The following PLOD2 variants were observed in gnomAD, a reference collection of about 807,000 sequenced individuals.
PLOD2 encodes the protein lysine hydroxylase 2.
A neutral mutation model predicts 101.0 loss-of-function variants in PLOD2; 65 were observed. That is an observed-to-expected ratio of 0.64 (90% CI 0.53 to 0.79). The LOEUF (loss-of-function observed/expected upper bound fraction) is 0.79, where lower values mean the gene tolerates loss of function less well. PLOD2 is among the 30% of genes least tolerant of loss of function. PLOD2 has a pLI of 0.00. For synonymous variants in PLOD2, 314 were observed against 302.9 expected (o/e 1.04, Z -0.38); for missense variants, 909 against 914.6 (o/e 0.99, Z 0.08).
chr3:146,075,487 T>TAAAAAAA (rs35706246), intron 15 of PLOD2, among the ~76,000 whole-genome samples: 185 of 93,266 alleles, frequency 2.0e-3, no homozygotes, highest in East Asian at 3.8e-3. Context: ...CTCAAATCTG[T>TAAAAAAA]AAAAAAAAAA....
Position 146,072,564 on chromosome 3 carries a change from A to G in PLOD2, c.1845T>C (p.His615=). The G allele has an allele frequency of 6.3e-7, 1 of 1,586,398 alleles. No individual in the cohort carries two copies. Among genetic ancestry groups the G allele is most frequent in the Non-Finnish European group, 8.7e-7 (1 of 1,155,578 alleles). The part of the protein sequence containing the change: ...EHYGKWSGGK[H]HDSRISGGYE... ...TTAGTGTGAAATTACAACTTACATGATGTTTTCCCCCAGACCATTTGCCGT... is the reference window on the plus strand; with the variant it reads ...TTAGTGTGAAATTACAACTTACATGGTGTTTTCCCCCAGACCATTTGCCGT... The change falls in exon 17 of 20, where the codon CAT becomes CAC. Residue 615 remains histidine (H), a synonymous_variant. Transcript: ENST00000282903.
chr3:146,081,494 A>G (rs1446531622), intron 12 of PLOD2, among the ~76,000 whole-genome samples: 2 of 152,122 alleles, frequency 1.3e-5, no homozygotes, highest in Non-Finnish European at 2.9e-5. Flanking sequence ...GTAAACATAT[A>G]TTATCTCTTA....
At chr3:146,105,883 A>AT (rs1937527943) in intron 5 of PLOD2, among the ~76,000 whole-genome samples, 1 of 152,128 alleles carries the variant, frequency 6.6e-6, no homozygotes, top group Non-Finnish European at 1.5e-5. Context: ...AATACACTGC[A>AT]TTTTTTTAAA....
chr3:146,096,716 G>C (rs1226263752), intron 7 of PLOD2, among the ~76,000 whole-genome samples: 22 of 148,078 alleles, frequency 1.5e-4, no homozygotes, highest in Middle Eastern at 3.5e-3. Flanking sequence ...AGTGAGGAGC[G>C]TCTCCGCCCG....
chr3:146,116,011 T>C (rs932883615), intron 3 of PLOD2, among the ~76,000 whole-genome samples: 9 of 152,258 alleles, frequency 5.9e-5, no homozygotes, highest in African/African-American at 1.7e-4. Context: ...GCAACAGAAG[T>C]GTTCCCTAAC....
intron 3 of PLOD2, among the ~76,000 whole-genome samples, chr3:146,117,079 T>C (rs1418144244): frequency 6.6e-6 from 1 of 152,176 alleles, no homozygotes; most frequent in Non-Finnish European, 1.5e-5. Flanking sequence ...GTAAATTTAA[T>C]TAAATTCATT....
chr3:146,101,819 T>A (rs1937398515), intron 7 of PLOD2, among the ~76,000 whole-genome samples: 3 of 152,158 alleles, frequency 2.0e-5, no homozygotes, highest in Admixed American at 1.3e-4. Flanking sequence ...GGAAACTGAT[T>A]ATAAGATAGA....
chr3:146,090,988 G>T (rs1272215580), intron 8 of PLOD2, among the ~76,000 whole-genome samples: 1 of 151,648 alleles, frequency 6.6e-6, no homozygotes, highest in East Asian at 1.9e-4. Context: ...GCAATTTTTT[G>T]GAATAAAAAT....
chr3:146,117,219 A>G (rs1937952939), intron 3 of PLOD2, among the ~76,000 whole-genome samples: 1 of 152,198 alleles, frequency 6.6e-6, no homozygotes, highest in Non-Finnish European at 1.5e-5. Flanking sequence ...ATAGTGACCT[A>G]TGCTTCCATA....
intron 15 of PLOD2, among the ~76,000 whole-genome samples, chr3:146,074,035 GGGC>G (rs1251187279): frequency 8.7e-4 from 131 of 151,424 alleles, no homozygotes; most frequent in African/African-American, 3.0e-3. Flanking sequence ...TTAAGGGTTA[GGGC>G]TCTATATTAA....
At chr3:146,070,900 T>A (rs1317347750) in intron 19 of PLOD2, 28 bp from the exon 20 acceptor site, 1 of 1,578,812 alleles carries the variant, frequency 6.3e-7, no homozygotes, top group Admixed American at 1.7e-5. Context: ...AAGAAATACA[T>A]CAGATTATAT....
At chr3:146,138,798 TAACAA>T (rs2031373972) in intron 1 of PLOD2, among the ~76,000 whole-genome samples, 1 of 152,144 alleles carries the variant, frequency 6.6e-6, no homozygotes, top group Non-Finnish European at 1.5e-5. Flanking sequence ...ATAACAGTAA[TAACAA>T]TACAATAATA....
In PLOD2 at chr3:146,071,157, A is replaced by G. The variant is rs573921791; in HGVS notation, c.2006T>C (p.Leu669Pro). The change falls in exon 19 of 20, where the codon CTA becomes CCA. Residue 669 changes from leucine to proline, a missense_variant. Coordinates refer to ENST00000282903, the MANE Select transcript of PLOD2 (RefSeq NM_182943.3). Reference sequence around the variant, plus strand: ...GGAGTATTTTACTACAAAATTCAGTAGTGCAAATCCCTGAAAAAGCAAAGT... The same window carrying G: ...GGAGTATTTTACTACAAAATTCAGTGGTGCAAATCCCTGAAAAAGCAAAGT... ...FAGYYTKGFA[L>P]LNFVVKYSPE... 2 of 1,611,264 alleles carry G rather than the reference A, an allele frequency of 1.2e-6. No individual in the cohort carries two copies. Among genetic ancestry groups the G allele is most frequent in the African/African-American group, 1.3e-5 (1 of 74,876 alleles).
Position 146,161,009 on chromosome 3 carries a change from C to G in PLOD2, c.-20G>C. On this transcript the variant is annotated 5_prime_UTR_variant, in exon 1 of 20. Coordinates refer to ENST00000282903, the MANE Select transcript of PLOD2 (RefSeq NM_182943.3). Reference sequence around the variant, plus strand: ...CCCCATATTCGGCCCTCGAGGGCCGCGCGGGCTCAGGCGCCCACGGCCCCG... The same window carrying G: ...CCCCATATTCGGCCCTCGAGGGCCGGGCGGGCTCAGGCGCCCACGGCCCCG... 1 of 1,507,692 alleles carries G rather than the reference C, an allele frequency of 6.6e-7. No individual in the cohort carries two copies. The highest frequency in any genetic ancestry group is 9.0e-7 in the Non-Finnish European group (1 of 1,105,740). The allele number at this position is 1,507,692 out of a possible 1,614,324, so 93.4% of individuals were successfully genotyped here.
Position 146,085,190 on chromosome 3 carries a change from T to G in PLOD2, c.1211A>C (p.Lys404Thr). The G allele has an allele frequency of 1.3e-6, 2 of 1,566,438 alleles. No individual in the cohort carries two copies. Among genetic ancestry groups the G allele is most frequent in the Non-Finnish European group, 1.8e-6 (2 of 1,137,800 alleles). Residue 404 changes from lysine to threonine, a missense_variant, in exon 11 of 20, where the codon AAA (lysine) becomes ACA (threonine). By Grantham distance (78) the Lys-to-Thr change is moderately conservative. Coordinates refer to ENST00000282903, the MANE Select transcript of PLOD2 (RefSeq NM_182943.3). The stretch of plus-strand genomic sequence containing the variant: ...GTACCTGTTTTGTTCAATCAAAATT[T>G]TTAAAGTCCTTGGATTTGTCAAAAC... ...DVVLTNPRTL[K>T]ILIEQNRKII...
intron 17 of PLOD2, among the ~76,000 whole-genome samples, chr3:146,071,628 T>G (rs560299610): frequency 1.3e-5 from 2 of 151,762 alleles, no homozygotes; most frequent in Admixed American, 1.3e-4. Context: ...AACAAAGTAA[T>G]GTAAGGTCAG....
intron 6 of PLOD2, among the ~76,000 whole-genome samples, chr3:146,103,434 C>T (rs558322391): frequency 6.6e-6 from 1 of 151,642 alleles, no homozygotes; most frequent in South Asian, 2.1e-4. Context: ...CTGAGCACTC[C>T]AAACTAAACA....
intron 1 of PLOD2, among the ~76,000 whole-genome samples, chr3:146,128,219 A>T (rs1408309314): frequency 6.6e-6 from 1 of 152,170 alleles, no homozygotes. Flanking sequence ...TGACTAAGGA[A>T]TGGTGCTTCA....
At chr3:146,081,309 A>G (rs1936532558) in intron 12 of PLOD2, among the ~76,000 whole-genome samples, 1 of 152,154 alleles carries the variant, frequency 6.6e-6, no homozygotes, top group Admixed American at 6.5e-5. Context: ...AAACTCATGC[A>G]ATCAGGAATA....
Sources: gnomAD v4.1 joint callset for allele counts (sites outside exome capture counted in the v4.1 genomes callset) on GRCh38, gnomAD v4.1.1 for gene constraint, MANE v1.5 for transcripts, NCBI Gene and HGNC (gene_info 2026-07-23, HGNC 2026-07-21) for gene names.